C12orf54: variants seen among roughly 807,000 people sequenced by gnomAD.
C12orf54 encodes chromosome 12 open reading frame 54.
A neutral mutation model predicts 26.4 loss-of-function variants in C12orf54; 24 were observed. That is an observed-to-expected ratio of 0.91 (90% CI 0.66 to 1.28). The LOEUF is 1.28. Among genes scored for constraint, C12orf54 ranks in the 50% most tolerant of loss-of-function variants. The probability of loss-of-function intolerance (pLI) is 0.00; values close to 1 mark genes in which losing one functional copy is unlikely to be tolerated. For missense variants in C12orf54, 154 were observed against 150.9 expected (o/e 1.02, Z -0.11); for synonymous variants, 54 against 47.0 (o/e 1.15, Z -0.61).
chr12:48,445,099 G>T, the C12orf54 span, among the ~76,000 whole-genome samples: 1 of 152,116 alleles, frequency 6.6e-6, no homozygotes, highest in Non-Finnish European at 1.5e-5. Flanking sequence ...GGTGAACCCG[G>T]GAGGCAGAGC....
chr12:48,487,448 A>G (rs1937676161), intron 4 of C12orf54, among the ~76,000 whole-genome samples: 2 of 152,226 alleles, frequency 1.3e-5, no homozygotes, highest in Non-Finnish European at 2.9e-5. Flanking sequence ...AATGTGTCCA[A>G]CATGCTTTAT....
At chr12:48,419,055 TG>T in the C12orf54 span, among the ~76,000 whole-genome samples, 2 of 152,088 alleles carry the variant, frequency 1.3e-5, no homozygotes, top group East Asian at 3.9e-4. Context: ...AGAAGTGGGA[TG>T]TTGGTTGAGA....
At chr12:48,423,453 C>T in the C12orf54 span, among the ~76,000 whole-genome samples, 2 of 152,076 alleles carry the variant, frequency 1.3e-5, no homozygotes, top group East Asian at 3.9e-4. Context: ...TATAGGCAAA[C>T]TACAGGAGTG....
chr12:48,464,426 A>G, the C12orf54 span, among the ~76,000 whole-genome samples: 3 of 152,186 alleles, frequency 2.0e-5, no homozygotes. Context: ...ATCAGAGATG[A>G]CACCAACAAA....
intron 7 of C12orf54, 95 bp from the exon 8 acceptor site, chr12:48,494,703 T>A: frequency 7.6e-7 from 1 of 1,323,772 alleles, no homozygotes; most frequent in Non-Finnish European, 1.1e-6. Flanking sequence ...GGGAGTGTAA[T>A]AATAGAATCT....
chr12:48,443,127 T>A, the C12orf54 span, among the ~76,000 whole-genome samples: 2 of 152,218 alleles, frequency 1.3e-5, no homozygotes, highest in African/African-American at 4.8e-5. Flanking sequence ...CCTGTGATCA[T>A]CTTTTCTGCA....
chr12:48,484,586 A>G (rs1954237079), intron 2 of C12orf54, among the ~76,000 whole-genome samples: 3 of 152,218 alleles, frequency 2.0e-5, no homozygotes, highest in Admixed American at 2.0e-4. Context: ...TCATATAATC[A>G]TCCCCCAAAT....
At chr12:48,464,497 A>T in the C12orf54 span, among the ~76,000 whole-genome samples, 1 of 152,158 alleles carries the variant, frequency 6.6e-6, no homozygotes, top group Non-Finnish European at 1.5e-5. Context: ...CATACTGCCT[A>T]AAGTAATTTA....
Position 48,496,459 on chromosome 12 carries a change from T to A in C12orf54, c.*319T>A, listed in dbSNP as rs1042701192. On this transcript the variant is annotated 3_prime_UTR_variant, in exon 9 of 9. Transcript: ENST00000548364. Reference sequence around the variant, plus strand: ...TTTCCAAGTATGATAGTGCATTTGGTTCAAAGAACAGCACTGTAGCATGGG... The same window carrying A: ...TTTCCAAGTATGATAGTGCATTTGGATCAAAGAACAGCACTGTAGCATGGG... 2 of 152,658 alleles carry A rather than the reference T, an allele frequency of 1.3e-5. No homozygotes were observed. The highest frequency in any genetic ancestry group is 4.8e-5 in the African/African-American group (2 of 41,454). 9.5% of individuals were successfully genotyped at this position (152,658 alleles called of 1,614,324 possible).
At chr12:48,432,870 CA>C in the C12orf54 span, among the ~76,000 whole-genome samples, 154 of 115,048 alleles carry the variant, frequency 1.3e-3, no homozygotes, top group Middle Eastern at 4.1e-3. Context: ...ACTTTTTCTA[CA>C]AAAAAAAAAA....
the C12orf54 span, among the ~76,000 whole-genome samples, chr12:48,472,397 C>T: frequency 1.3e-5 from 2 of 152,140 alleles, no homozygotes; most frequent in South Asian, 4.2e-4. Context: ...TTAGGATACA[C>T]TGTAAAGGTA....
chr12:48,427,502 C>T, the C12orf54 span, among the ~76,000 whole-genome samples: 1 of 152,000 alleles, frequency 6.6e-6, no homozygotes, highest in African/African-American at 2.4e-5. Context: ...AGGGTTTTTG[C>T]ATCAATGTTC....
chr12:48,489,390 C>T (rs535065864), intron 5 of C12orf54: 6 of 290,054 alleles, frequency 2.1e-5, no homozygotes, highest in Admixed American at 1.2e-4. Context: ...CTGCTCTCCT[C>T]GGCTCTTCTT....
At chr12:48,445,666 G>C in the C12orf54 span, among the ~76,000 whole-genome samples, 1 of 152,180 alleles carries the variant, frequency 6.6e-6, no homozygotes, top group Non-Finnish European at 1.5e-5. Flanking sequence ...ATAGGAAAGA[G>C]ATCTTGTCTC....
chr12:48,445,065 G>A, the C12orf54 span, among the ~76,000 whole-genome samples: 1 of 152,150 alleles, frequency 6.6e-6, no homozygotes, highest in African/African-American at 2.4e-5. Context: ...CAGCTACTCG[G>A]GAGGCTGAGG....
intron 2 of C12orf54, among the ~76,000 whole-genome samples, chr12:48,484,054 G>C (rs1954229891): frequency 6.6e-6 from 1 of 152,206 alleles, no homozygotes; most frequent in Non-Finnish European, 1.5e-5. Context: ...AATTAGCTGG[G>C]TGTGGTGGTG....
At chr12:48,473,945 TC>T in the C12orf54 span, among the ~76,000 whole-genome samples, 2 of 152,174 alleles carry the variant, frequency 1.3e-5, no homozygotes, top group Admixed American at 1.3e-4. Flanking sequence ...TTGGGGACAT[TC>T]CCCATCTCTC....
the C12orf54 span, among the ~76,000 whole-genome samples, chr12:48,414,863 G>A: frequency 6.6e-6 from 1 of 152,148 alleles, no homozygotes; most frequent in Admixed American, 6.5e-5. Flanking sequence ...AGGTTTGGCA[G>A]GACCTGATCT....
chr12:48,418,670 G>C, the C12orf54 span, among the ~76,000 whole-genome samples: 1 of 152,142 alleles, frequency 6.6e-6, no homozygotes, highest in African/African-American at 2.4e-5. Context: ...GAATAAAGTG[G>C]TTGAAATTGA....
Sources: gnomAD v4.1 joint callset for allele counts (sites outside exome capture counted in the v4.1 genomes callset) on GRCh38, gnomAD v4.1.1 for gene constraint, MANE v1.5 for transcripts, NCBI Gene and HGNC (gene_info 2026-07-23, HGNC 2026-07-21) for gene names.